The following USP14 variants were observed in gnomAD, a reference collection of about 807,000 sequenced individuals.
USP14 encodes ubiquitin specific peptidase 14, also known as ubiquitin carboxyl-terminal hydrolase 14.
USP14 carries 38 observed loss-of-function variants against 76.5 expected under a neutral mutation model. That is an observed-to-expected ratio of 0.50 (90% CI 0.38 to 0.65). The LOEUF (loss-of-function observed/expected upper bound fraction) is 0.65. Among genes scored for constraint, USP14 ranks in the 30% least tolerant of loss-of-function variants. The probability of loss-of-function intolerance (pLI) is 0.00; values close to 1 mark genes in which losing one functional copy is unlikely to be tolerated. For synonymous variants in USP14, 192 were observed against 191.7 expected (o/e 1.00, Z -0.01); for missense variants, 467 against 586.5 (o/e 0.80, Z 2.10).
intron 5 of USP14, among the ~76,000 whole-genome samples, chr18:192,371 C>G (rs916895191): frequency 1.3e-5 from 2 of 152,086 alleles, no homozygotes; most frequent in Non-Finnish European, 2.9e-5. Context: ...TGAGACCAGC[C>G]TGCCCAACAT....
At chr18:183,019 C>A (rs939101297) in intron 5 of USP14, among the ~76,000 whole-genome samples, 3 of 152,146 alleles carry the variant, frequency 2.0e-5, no homozygotes, top group African/African-American at 7.2e-5. Flanking sequence ...CCTCTGAATT[C>A]TAGGTAGCTA....
chr18:202,662 A>G (rs1306902178), intron 10 of USP14, among the ~76,000 whole-genome samples: 1 of 152,208 alleles, frequency 6.6e-6, no homozygotes, highest in African/African-American at 2.4e-5. Context: ...GGAATCCACA[A>G]CAACGTAAAT....
In USP14 at chr18:211,217, A is replaced by G; in HGVS notation, c.1418A>G (p.His473Arg). The change falls in exon 16 of 16, where the codon CAT (histidine) becomes CGT (arginine). Residue 473 changes from histidine (H) to arginine (R), a missense_variant. His to Arg is a conservative substitution (Grantham distance 29). Coordinates refer to ENST00000261601, the MANE Select transcript of USP14 (RefSeq NM_005151.4). ...CGGCTTTCTGGTGGTGGAGACTGGC[A>G]TATCGCTTACGTTCTACTCTATGGG... ...ILRLSGGGDWHIAYVLLYGPR... is the reference protein window; with the variant it reads ...ILRLSGGGDWRIAYVLLYGPR... The G allele has an allele frequency of 6.2e-7, 1 of 1,614,166 alleles. No individual in the cohort carries two copies. Among genetic ancestry groups the G allele is most frequent in the Non-Finnish European group, 8.5e-7 (1 of 1,179,982 alleles).
chr18:199,926 G>A (rs1034492524), intron 10 of USP14, among the ~76,000 whole-genome samples: 10 of 152,156 alleles, frequency 6.6e-5, no homozygotes, highest in African/African-American at 1.4e-4. Context: ...CATAATTACC[G>A]TGACTAACAA....
chr18:169,012 G>C (rs1909361102), intron 3 of USP14, among the ~76,000 whole-genome samples: 1 of 152,052 alleles, frequency 6.6e-6, no homozygotes, highest in African/African-American at 2.4e-5. Context: ...GGGAGGCAGA[G>C]GTTGCAGTGA....
chr18:190,197 A>G (rs748395632), intron 5 of USP14, among the ~76,000 whole-genome samples: 5 of 152,158 alleles, frequency 3.3e-5, no homozygotes, highest in Non-Finnish European at 5.9e-5. Flanking sequence ...TCTGTTGATG[A>G]ATATTTGGTT....
At position 213,441 on chromosome 18, in the gene USP14, G is replaced by A. The variant is rs563726838; in HGVS notation, c.*2157G>A. The A allele has an allele frequency of 4.6e-5, 7 of 152,278 alleles. No homozygotes were observed. The highest frequency in any genetic ancestry group is 3.9e-4 in the Admixed American group (6 of 15,274). The allele number at this position is 152,278 out of a possible 1,614,324, so 9.4% of individuals were successfully genotyped here. On this transcript the variant is annotated 3_prime_UTR_variant, in exon 16 of 16. Coordinates refer to ENST00000261601, the MANE Select transcript of USP14 (RefSeq NM_005151.4). ...GTAGAAATGGGAGTTAGTTATACCA[G>A]TGTTGTTTTTAACTAATAAGGCTAT...
intron 3 of USP14, among the ~76,000 whole-genome samples, chr18:171,028 ATATATATAT>A (rs1909443285): frequency 3.2e-4 from 18 of 55,748 alleles, no homozygotes; most frequent in African/African-American, 9.4e-4. Flanking sequence ...AAAAAAAAAT[ATATATATAT>A]ATATATATAT....
At chr18:174,626 T>A (rs370117151) in intron 3 of USP14, among the ~76,000 whole-genome samples, 7 of 129,086 alleles carry the variant, frequency 5.4e-5, no homozygotes, top group South Asian at 2.6e-4. Flanking sequence ...TTTTTTTTTT[T>A]AAAGACGAGG....
chr18:208,321 C>G (rs1242044587), intron 13 of USP14, among the ~76,000 whole-genome samples: 1 of 151,974 alleles, frequency 6.6e-6, no homozygotes, highest in Non-Finnish European at 1.5e-5. Flanking sequence ...CTTTTGATGT[C>G]TGTAGAGTGT....
At position 211,334 on chromosome 18, in the gene USP14, G is replaced by C; in HGVS notation, c.*50G>C. On this transcript the variant is annotated 3_prime_UTR_variant, in exon 16 of 16. Coordinates refer to ENST00000261601, the MANE Select transcript of USP14 (RefSeq NM_005151.4). ...GATGTGAAAATAAATGTTATTTGTT[G>C]ATCATTTCTATAATCCAGAGCTTTA... The C allele has an allele frequency of 1.3e-6, 2 of 1,553,514 alleles. No individual in the cohort carries two copies. The highest frequency in any genetic ancestry group is 1.7e-6 in the Non-Finnish European group (2 of 1,142,888).
chr18:210,431 T>A lies in USP14; in HGVS notation c.1271T>A (p.Leu424Gln). The A allele has an allele frequency of 6.2e-7, 1 of 1,612,548 alleles. No homozygotes were observed. Among genetic ancestry groups the A allele is most frequent in the Non-Finnish European group, 8.5e-7 (1 of 1,179,214 alleles). The change falls in exon 15 of 16, where the codon CTA (leucine) becomes CAA (glutamine). Residue 424 changes from leucine to glutamine, a missense_variant. Coordinates refer to ENST00000261601, the MANE Select transcript of USP14 (RefSeq NM_005151.4). ...NCGYYDLQAV[L>Q]THQGRSSSSG... ...GGATACTATGACTTACAAGCAGTAC[T>A]AACACACCAGGGAAGGTCTAGTTCT...
intron 1 of USP14, among the ~76,000 whole-genome samples, chr18:159,288 C>T (rs1053618182): frequency 6.6e-6 from 1 of 152,192 alleles, no homozygotes; most frequent in African/African-American, 2.4e-5. Context: ...TCAAACGTTG[C>T]ATTGGATTTC....
intron 5 of USP14, among the ~76,000 whole-genome samples, chr18:183,247 A>T (rs1019033428): frequency 6.6e-6 from 1 of 151,512 alleles, no homozygotes; most frequent in East Asian, 1.9e-4. Flanking sequence ...TTGTGTGTCC[A>T]TGCTTACTGA....
At position 211,509 on chromosome 18, in the gene USP14, A is replaced by AT; in HGVS notation, c.*230dup. On this transcript the variant is annotated 3_prime_UTR_variant, in exon 16 of 16. Transcript: ENST00000261601. ...CCCTATATAAAGGTGGCAGAAAGAC[A>AT]TTTTTAAAAAGCTTATTATTTCTTG... is the stretch of plus-strand genomic sequence containing the variant. 2.6e-6 allele frequency: 1 copy of AT among 378,818 alleles called. No homozygotes were observed. Among genetic ancestry groups the AT allele is most frequent in the East Asian group, 4.0e-5 (1 of 25,122 alleles). 23.5% of individuals were successfully genotyped at this position (378,818 alleles called of 1,614,324 possible). A position where few individuals can be genotyped will look rare whatever the true frequency, so the allele number is the denominator to read the frequency against.
chr18:206,000 A>G (rs1910519730), intron 13 of USP14, among the ~76,000 whole-genome samples: 1 of 152,248 alleles, frequency 6.6e-6, no homozygotes, highest in Non-Finnish European at 1.5e-5. Flanking sequence ...TTTGTCTGTG[A>G]TGAATAAACC....
intron 3 of USP14, among the ~76,000 whole-genome samples, chr18:171,025 A>AATATATATATATATATATATAT (rs57888885): frequency 7.8e-4 from 37 of 47,588 alleles, no homozygotes; most frequent in East Asian, 2.8e-3. Context: ...AAAAAAAAAA[A>AATATATATATATATATATATAT]ATATATATAT....
chr18:208,516 G>A (rs985438867), intron 13 of USP14, among the ~76,000 whole-genome samples: 1 of 151,862 alleles, frequency 6.6e-6, no homozygotes, highest in African/African-American at 2.4e-5. Context: ...TGCTTGCCTT[G>A]TGATATAAAT....
In USP14 at chr18:192,827, C is replaced by T. The variant is rs1910127494; in HGVS notation, c.405-15C>T. ...AATTGAATTCTATTGTTTAACTCGG[C>T]TTTAATGTTCCTAGGTATGCAGGTG... is the stretch of plus-strand genomic sequence containing the variant. On this transcript the variant is annotated splice_polypyrimidine_tract_variant and intron_variant, in intron 5 of 15. Coordinates refer to ENST00000261601, the MANE Select transcript of USP14 (RefSeq NM_005151.4). 6.2e-7 allele frequency: 1 copy of T among 1,612,940 alleles called. No individual in the cohort carries two copies. Among genetic ancestry groups the T allele is most frequent in the South Asian group, 1.1e-5 (1 of 90,942 alleles).
Sources: gnomAD v4.1 joint callset for allele counts (sites outside exome capture counted in the v4.1 genomes callset) on GRCh38, gnomAD v4.1.1 for gene constraint, MANE v1.5 for transcripts, NCBI Gene and HGNC (gene_info 2026-07-23, HGNC 2026-07-21) for gene names.